PDS5B: variants seen among roughly 807,000 people sequenced by gnomAD.
PDS5B encodes the protein sister chromatid cohesion protein PDS5 homolog B.
In PDS5B, 51 loss-of-function variants were observed where a neutral mutation model predicts 184.1. The observed-to-expected ratio is 0.28, with a 90% CI of 0.22 to 0.35. The LOEUF (loss-of-function observed/expected upper bound fraction) is 0.35, where lower values mean the gene tolerates loss of function less well. PDS5B is among the 10% of genes least tolerant of loss of function. The pLI, the probability that PDS5B is intolerant of heterozygous loss-of-function variation, is 1.00. For missense variants in PDS5B, 1,180 were observed against 1,723.3 expected (o/e 0.68, Z 5.58); for synonymous variants, 566 against 569.2 (o/e 0.99, Z 0.08).
Position 32,746,049 on chromosome 13 carries a change from C to T in PDS5B, c.2685C>T (p.Tyr895=). The stretch of plus-strand genomic sequence containing the variant: ...TGAAGCTGGCACAAGAACCCTGTTA[C>T]CATGAAATCATCACATTAGAACAAT... ...AIVKLAQEPC[Y]HEIITLEQYQ... The change falls in exon 24 of 35, where the codon TAC becomes TAT. Residue 895 remains tyrosine, a synonymous_variant. Coordinates refer to ENST00000315596, the MANE Select transcript of PDS5B (RefSeq NM_015032.4). 1.2e-6 allele frequency: 2 copies of T among 1,613,140 alleles called. No individual in the cohort carries two copies. The highest frequency in any genetic ancestry group is 1.7e-6 in the Non-Finnish European group (2 of 1,179,162).
At chr13:32,599,029 C>CA (rs1358074304) in intron 1 of PDS5B, among the ~76,000 whole-genome samples, 4 of 152,182 alleles carry the variant, frequency 2.6e-5, no homozygotes, top group Non-Finnish European at 5.9e-5. Context: ...CTCGGCTTCC[C>CA]AAAGTGCTGG....
rs1951316033 is a variant in PDS5B at position 32,683,860 on chromosome 13, TAAA to T, written c.1058-16_1058-14del. ...TTAGTTATTAAAATTTCCACTGTAA[TAAA>T]ATGTTATCTTTCAGAGTATCTTAAA... On this transcript the variant is annotated splice_polypyrimidine_tract_variant and intron_variant, in intron 10 of 34. Transcript: ENST00000315596. 2 of 1,546,726 alleles carry T rather than the reference TAAA, an allele frequency of 1.3e-6. No homozygotes were observed. The highest frequency in any genetic ancestry group is 1.8e-6 in the Non-Finnish European group (2 of 1,128,750).
At chr13:32,586,795 C>A (rs1272865982) in intron 1 of PDS5B, among the ~76,000 whole-genome samples, 1 of 138,440 alleles carries the variant, frequency 7.2e-6, no homozygotes, top group Non-Finnish European at 1.6e-5. Context: ...GGGCGGGGGT[C>A]GCGGGGCGCG....
chr13:32,658,810 A>C (rs1950577126), intron 5 of PDS5B, among the ~76,000 whole-genome samples: 2 of 152,264 alleles, frequency 1.3e-5, no homozygotes, highest in Middle Eastern at 3.4e-3. Flanking sequence ...GCATATGGCT[A>C]TTTGAGCTTT....
At chr13:32,731,445 T>C (rs1953119227) in intron 19 of PDS5B, among the ~76,000 whole-genome samples, 1 of 152,152 alleles carries the variant, frequency 6.6e-6, no homozygotes, top group African/African-American at 2.4e-5. Flanking sequence ...AGGGAGATCT[T>C]CTGTTTAAAA....
At chr13:32,591,516 A>G (rs1367254200) in intron 1 of PDS5B, among the ~76,000 whole-genome samples, 3 of 152,208 alleles carry the variant, frequency 2.0e-5, no homozygotes, top group Non-Finnish European at 4.4e-5. Context: ...AAGAAATAAT[A>G]AGAATATTTT....
rs1031051360 is a variant in PDS5B at position 32,597,252 on chromosome 13, A to G, written c.-20+10659A>G. 2.0e-5 allele frequency among the ~76,000 whole-genome samples: 3 copies of G among 148,262 alleles called. No homozygotes were observed. The Admixed American group carries it at 2.0e-4, about 10-fold the overall frequency. The stretch of plus-strand genomic sequence containing the variant: ...AGAGATGGGGTTCGCCATGTTGCCC[A>G]GGCTGGTGTTGAACTCCTAGGCTCA... On this transcript the variant is annotated intron_variant, in intron 1 of 34. Coordinates refer to ENST00000315596, the MANE Select transcript of PDS5B (RefSeq NM_015032.4).
intron 31 of PDS5B, among the ~76,000 whole-genome samples, chr13:32,766,581 A>G (rs935990935): frequency 2.6e-5 from 4 of 152,240 alleles, no homozygotes; most frequent in Non-Finnish European, 5.9e-5. Context: ...CCAGTAGATT[A>G]TAATGAAAGA....
intron 17 of PDS5B, 57 bp downstream of exon 17, chr13:32,701,495 G>T (rs1336483462): frequency 2.8e-6 from 3 of 1,074,628 alleles, no homozygotes; most frequent in Non-Finnish European, 4.2e-6. Flanking sequence ...GTACATTCAG[G>T]AATCAGTCAT....
intron 19 of PDS5B, among the ~76,000 whole-genome samples, chr13:32,720,444 G>T (rs1338067295): frequency 6.6e-6 from 1 of 152,024 alleles, no homozygotes; most frequent in Admixed American, 6.5e-5. Context: ...CACATAATCT[G>T]TCATATAGTT....
intron 1 of PDS5B, among the ~76,000 whole-genome samples, chr13:32,627,904 G>C (rs1408327656): frequency 6.6e-6 from 1 of 152,108 alleles, no homozygotes; most frequent in Non-Finnish European, 1.5e-5. Flanking sequence ...GGAGAAGGAG[G>C]AGGAAAGAGG....
intron 13 of PDS5B, chr13:32,690,787 A>G (rs988573165): frequency 2.0e-5 from 3 of 152,196 alleles, no homozygotes; most frequent in African/African-American, 7.2e-5. Flanking sequence ...AATCTGGACC[A>G]GTACTCAAAA....
intron 17 of PDS5B, among the ~76,000 whole-genome samples, chr13:32,704,969 G>C (rs1162609163): frequency 6.6e-6 from 1 of 152,020 alleles, no homozygotes; most frequent in Non-Finnish European, 1.5e-5. Flanking sequence ...TGAATTCTTA[G>C]TATTTTAAAA....
intron 24 of PDS5B, 138 bp downstream of exon 24, chr13:32,746,238 AT>A (rs1482996449): frequency 1.4e-6 from 1 of 703,708 alleles, no homozygotes; most frequent in African/African-American, 1.8e-5. Flanking sequence ...CATGAGAAAC[AT>A]TTCAGAGTTC....
intron 21 of PDS5B, among the ~76,000 whole-genome samples, chr13:32,738,154 C>T (rs775912179): frequency 2.2e-4 from 34 of 152,284 alleles, no homozygotes; most frequent in Non-Finnish European, 4.9e-4. Flanking sequence ...TTTCTTTACT[C>T]TTTCGGACAG....
intron 27 of PDS5B, 74 bp from the exon 28 acceptor site, chr13:32,758,460 T>C: frequency 7.1e-7 from 1 of 1,415,166 alleles, no homozygotes. Context: ...ATTCATGTTC[T>C]GAAATTATTC....
At chr13:32,633,326 A>T (rs561252347) in intron 1 of PDS5B, among the ~76,000 whole-genome samples, 20 of 149,130 alleles carry the variant, frequency 1.3e-4, no homozygotes, top group African/African-American at 4.9e-4. Flanking sequence ...TATTTTACAT[A>T]AAAAAAGTAT....
At chr13:32,632,861 T>C (rs1033555983) in intron 1 of PDS5B, among the ~76,000 whole-genome samples, 1 of 151,840 alleles carries the variant, frequency 6.6e-6, no homozygotes, top group Admixed American at 6.6e-5. Flanking sequence ...CCCAGCACTT[T>C]GGGAGGCTGA....
intron 18 of PDS5B, 107 bp downstream of exon 18, chr13:32,707,146 T>A: frequency 1.8e-6 from 1 of 562,114 alleles, no homozygotes; most frequent in Non-Finnish European, 3.0e-6. Flanking sequence ...TAATCCAAAG[T>A]AAAATTTTCT....
Sources: gnomAD v4.1 joint callset for allele counts (sites outside exome capture counted in the v4.1 genomes callset) on GRCh38, gnomAD v4.1.1 for gene constraint, MANE v1.5 for transcripts, NCBI Gene and HGNC (gene_info 2026-07-23, HGNC 2026-07-21) for gene names.